ZIM3: variants seen among roughly 807,000 people sequenced by gnomAD.
ZIM3 encodes the protein zinc finger protein 657.
ZIM3 carries 11 observed loss-of-function variants against 12.9 expected under a neutral mutation model. The ratio of observed to expected loss-of-function variants is 0.85; its 90% CI spans 0.54 to 1.41. The LOEUF (loss-of-function observed/expected upper bound fraction) is 1.41. ZIM3 is among the 40% of genes most tolerant of loss of function. The pLI, the probability that ZIM3 is intolerant of heterozygous loss-of-function variation, is 0.00. For synonymous variants in ZIM3, 205 were observed against 198.5 expected (o/e 1.03, Z -0.28); for missense variants, 604 against 557.2 (o/e 1.08, Z -0.85).
At chr19:57,140,660 C>T (rs1246779846) in intron 2 of ZIM3, among the ~76,000 whole-genome samples, 1 of 151,860 alleles carries the variant, frequency 6.6e-6, no homozygotes, top group Non-Finnish European at 1.5e-5. Context: ...TATTTGTAGA[C>T]AGGGTCTCAC....
At position 57,135,572 on chromosome 19, in the gene ZIM3, T is replaced by C. The variant is rs914575835; in HGVS notation, c.765A>G (p.Thr255=). 1.2e-6 allele frequency: 2 copies of C among 1,613,858 alleles called. No individual in the cohort carries two copies. Among genetic ancestry groups the C allele is most frequent in the African/African-American group, 1.3e-5 (1 of 75,012 alleles). The change falls in exon 5 of 5, where the codon ACA becomes ACG. Residue 255 remains threonine, a synonymous_variant. Coordinates refer to ENST00000269834, the MANE Select transcript of ZIM3 (RefSeq NM_052882.1). ...ATTTCCAGGAAAAGGCTTTTCCACA[T>C]GTCTTACACTGATAGGGTTTCTCTT... ...HTKEKPYQCK[T]CGKAFSWKSS... is the part of the protein sequence containing the mutation.
intron 2 of ZIM3, 27 bp from the exon 3 acceptor site, chr19:57,138,625 TA>T: frequency 6.2e-7 from 1 of 1,608,832 alleles, no homozygotes; most frequent in Middle Eastern, 1.7e-4. Context: ...CCGATCAGTA[TA>T]AAAATGCCAT....
chr19:57,143,741 T>G (rs1218565150), intron 1 of ZIM3, among the ~76,000 whole-genome samples: 3 of 151,014 alleles, frequency 2.0e-5, no homozygotes, highest in Non-Finnish European at 2.9e-5. Context: ...AGTGGCACAG[T>G]CTCGGCTCAC....
At chr19:57,138,705 A>G in intron 2 of ZIM3, 107 bp from the exon 3 acceptor site, 4 of 1,394,108 alleles carry the variant, frequency 2.9e-6, no homozygotes, top group African/African-American at 1.4e-5. Flanking sequence ...TCCATAATTC[A>G]CTCTACTCTG....
chr19:57,138,522 T>A lies in ZIM3; in HGVS notation c.92A>T (p.Asn31Ile). 1 of 1,613,972 alleles carries A rather than the reference T, an allele frequency of 6.2e-7. No individual in the cohort carries two copies. The highest frequency in any genetic ancestry group is 8.5e-7 in the Non-Finnish European group (1 of 1,179,944). The change falls in exon 3 of 5, where the codon AAC (asparagine) becomes ATC (isoleucine). Residue 31 changes from asparagine (N) to isoleucine (I), a missense_variant. Asn to Ile is a moderately radical substitution (Grantham distance 149). Coordinates refer to ENST00000269834, the MANE Select transcript of ZIM3 (RefSeq NM_052882.1). Reference sequence around the variant, plus strand: ...CTCCAGCATCACATCCCTGTACAAGTTTCTCTGTTCGGGATTCAGCCGCTG... The same window carrying A: ...CTCCAGCATCACATCCCTGTACAAGATTCTCTGTTCGGGATTCAGCCGCTG... ...EWQRLNPEQRNLYRDVMLENY... is the reference protein window; with the variant it reads ...EWQRLNPEQRILYRDVMLENY...
chr19:57,138,296 G>A (rs562148164), intron 3 of ZIM3, among the ~76,000 whole-genome samples, 176 bp downstream of exon 3: 1 of 152,286 alleles, frequency 6.6e-6, no homozygotes, highest in East Asian at 1.9e-4. Flanking sequence ...TGAGAATGGG[G>A]GCTCCTTCAA....
In ZIM3 at chr19:57,135,148, C is replaced by T; in HGVS notation, c.1189G>A (p.Gly397Arg). 2 of 1,614,134 alleles carry T rather than the reference C, an allele frequency of 1.2e-6. No individual in the cohort carries two copies. Among genetic ancestry groups the T allele is most frequent in the South Asian group, 1.1e-5 (1 of 91,080 alleles). Reference sequence around the variant, plus strand: ...TTTGACTTCTGAAAGAAGGCTTTTCCACATCTGTTACATTCATAGGGCTTT... The same window carrying T: ...TTTGACTTCTGAAAGAAGGCTTTTCTACATCTGTTACATTCATAGGGCTTT... ...GEKPYECNRCGKAFFQKSNLH... is the reference protein window; with the variant it reads ...GEKPYECNRCRKAFFQKSNLH... Residue 397 changes from glycine (G) to arginine (R), a missense_variant, in exon 5 of 5, where the codon GGA (glycine) becomes AGA (arginine). Gly to Arg is a moderately radical substitution (Grantham distance 125). Coordinates refer to ENST00000269834, the MANE Select transcript of ZIM3 (RefSeq NM_052882.1).
At chr19:57,143,858 T>C (rs750509730) in intron 1 of ZIM3, among the ~76,000 whole-genome samples, 13 of 151,688 alleles carry the variant, frequency 8.6e-5, no homozygotes, top group Non-Finnish European at 1.6e-4. Context: ...GCATTTTTAG[T>C]AGAGACAAGG....
chr19:57,138,595 T>C lies in ZIM3; in HGVS notation c.19A>G (p.Arg7Gly). MNNSQG[R>G]VTFEDVTVNF... ...ACAGTGACATCCTCGAAGGTCACTC[T>C]TCCCTGTAACAACAGATTCCCGATC... The change falls in exon 3 of 5, where the codon AGA becomes GGA. Residue 7 changes from arginine to glycine, a missense_variant. By Grantham distance (125) the Arg-to-Gly change is moderately radical. Coordinates refer to ENST00000269834, the MANE Select transcript of ZIM3 (RefSeq NM_052882.1). 1 of 1,614,180 alleles carries C rather than the reference T, an allele frequency of 6.2e-7. No homozygotes were observed. The highest frequency in any genetic ancestry group is 8.5e-7 in the Non-Finnish European group (1 of 1,180,020).
intron 2 of ZIM3, among the ~76,000 whole-genome samples, chr19:57,140,326 A>G (rs1378331446): frequency 6.6e-6 from 1 of 151,914 alleles, no homozygotes; most frequent in Non-Finnish European, 1.5e-5. Flanking sequence ...ACAGGCGCGC[A>G]CCACGACACC....
At position 57,135,283 on chromosome 19, in the gene ZIM3, C is replaced by A. The variant is rs771372793; in HGVS notation, c.1054G>T (p.Asp352Tyr). The part of the protein sequence containing the change: ...KAFSQKSNVI[D>Y]HEKIHTGKRA... ...TTCCCAGTGTGAATTTTCTCATGAT[C>A]GATGACATTGGATTTCTGGGAAAAG... Residue 352 changes from aspartate (D) to tyrosine (Y), a missense_variant, in exon 5 of 5, where the codon GAT (aspartate) becomes TAT (tyrosine). Coordinates refer to ENST00000269834, the MANE Select transcript of ZIM3 (RefSeq NM_052882.1). 1.2e-6 allele frequency: 2 copies of A among 1,613,902 alleles called. No homozygotes were observed. Among genetic ancestry groups the A allele is most frequent in the African/African-American group, 2.7e-5 (2 of 74,892 alleles).
chr19:57,143,300 C>T (rs2086922698), intron 1 of ZIM3, among the ~76,000 whole-genome samples: 1 of 150,026 alleles, frequency 6.7e-6, no homozygotes, highest in Non-Finnish European at 1.5e-5. Context: ...CACCGCACTC[C>T]AGCCTGGGCG....
At chr19:57,138,779 A>G (rs1204686848) in intron 2 of ZIM3, among the ~76,000 whole-genome samples, 181 bp from the exon 3 acceptor site, 4 of 152,204 alleles carry the variant, frequency 2.6e-5, no homozygotes, top group East Asian at 1.9e-4. Context: ...CCTACTCATG[A>G]CACTGCCATC....
In ZIM3 at chr19:57,136,930, C is replaced by T; in HGVS notation, c.184G>A (p.Glu62Lys). 6.2e-7 allele frequency: 1 copy of T among 1,614,152 alleles called. No homozygotes were observed. Among genetic ancestry groups the T allele is most frequent in the Non-Finnish European group, 8.5e-7 (1 of 1,180,040 alleles). The stretch of plus-strand genomic sequence containing the variant: ...TCCAACCATGGCTCCTTTCCTTGTT[C>T]CAACCTCAAGATCACATCGGGTTTG... ...TTKPDVILRL[E>K]QGKEPWLEEE... is the part of the protein sequence containing the mutation. The change falls in exon 4 of 5, where the codon GAA (glutamate) becomes AAA (lysine). Residue 62 changes from glutamate (E) to lysine (K), a missense_variant. By Grantham distance (56) the Glu-to-Lys change is moderately conservative (BLOSUM62 1). Transcript: ENST00000269834.
rs770048271 is a variant in ZIM3 at position 57,135,305 on chromosome 19, A to G, written c.1032T>C (p.Phe344=). The G allele has an allele frequency of 2.5e-6, 4 of 1,614,110 alleles. No homozygotes were observed. The Admixed American group carries it at 6.7e-5, about 27-fold the overall frequency. ...PYKCSICEKA[F]SQKSNVIDHE... Reference sequence around the variant, plus strand: ...GATCGATGACATTGGATTTCTGGGAAAAGGCCTTCTCACATATGCTACATT... The same window carrying G: ...GATCGATGACATTGGATTTCTGGGAGAAGGCCTTCTCACATATGCTACATT... The change falls in exon 5 of 5, where the codon TTT becomes TTC. Residue 344 remains phenylalanine, a synonymous_variant. Transcript: ENST00000269834.
At chr19:57,138,281 G>A (rs545520609) in intron 3 of ZIM3, among the ~76,000 whole-genome samples, 191 bp downstream of exon 3, 56 of 152,246 alleles carry the variant, frequency 3.7e-4, no homozygotes, top group African/African-American at 1.3e-3. Flanking sequence ...GGCACTTGCC[G>A]ACCCTGAGAA....
At chr19:57,137,041 T>A in intron 3 of ZIM3, 70 bp from the exon 4 acceptor site, 1 of 1,450,338 alleles carries the variant, frequency 6.9e-7, no homozygotes, top group Non-Finnish European at 9.7e-7. Flanking sequence ...TGTATGAGTG[T>A]ATATAAGCGC....
chr19:57,135,738 C>T lies in ZIM3; in HGVS notation c.599G>A (p.Cys200Tyr), dbSNP rs149938645. Residue 200 changes from cysteine (C) to tyrosine (Y), a missense_variant, in exon 5 of 5, where the codon TGT (cysteine) becomes TAT (tyrosine). Physicochemically the swap from Cys to Tyr is radical, Grantham distance 194 (BLOSUM62 -2). Transcript: ENST00000269834. ...ACQKPFECHS[C>Y]GRAFGEKWKL... is the part of the protein sequence containing the mutation. Reference sequence around the variant, plus strand: ...CCACTTCTCCCCGAATGCTCTTCCACAGCTATGACATTCAAAGGGTTTTTG... The same window carrying T: ...CCACTTCTCCCCGAATGCTCTTCCATAGCTATGACATTCAAAGGGTTTTTG... 3.1e-6 allele frequency: 5 copies of T among 1,613,892 alleles called. No individual in the cohort carries two copies. In the African/African-American group the frequency reaches 5.3e-5, roughly 17 times the overall value.
intron 3 of ZIM3, 38 bp from the exon 4 acceptor site, chr19:57,137,009 A>T: frequency 1.2e-6 from 2 of 1,603,234 alleles, no homozygotes; most frequent in Non-Finnish European, 1.7e-6. Context: ...GTGTTTGTGG[A>T]TGTGTGAGTT....
Sources: allele counts gnomAD v4.1 joint callset (sites outside exome capture counted in the v4.1 genomes callset), GRCh38; gene constraint gnomAD v4.1.1; transcripts MANE v1.5; gene names NCBI Gene and HGNC (gene_info 2026-07-23, HGNC 2026-07-21).